CHCHD6: variants seen among roughly 807,000 people sequenced by gnomAD.
CHCHD6 encodes coiled-coil-helix-coiled-coil-helix domain containing 6, also known as MICOS complex subunit MIC25.
Under a neutral mutation model 32.3 loss-of-function variants are expected in CHCHD6, and 28 were observed. That is an observed-to-expected ratio of 0.87 (90% confidence interval 0.64 to 1.19). The LOEUF is 1.19. Among genes scored for constraint, CHCHD6 ranks in the 50% most tolerant of loss-of-function variants. CHCHD6 has a pLI of 0.00. For synonymous variants in CHCHD6, 122 were observed against 117.5 expected (o/e 1.04, Z -0.25); for missense variants, 333 against 307.0 (o/e 1.08, Z -0.63).
At chr3:126,761,281 G>A (rs1937153143) in intron 4 of CHCHD6, among the ~76,000 whole-genome samples, 1 of 152,138 alleles carries the variant, frequency 6.6e-6, no homozygotes, top group Non-Finnish European at 1.5e-5. Context: ...GGAGATGAGA[G>A]GTCCAGCTTC....
chr3:126,957,922 C>T (rs2078810061), intron 7 of CHCHD6: 2 of 366,342 alleles, frequency 5.5e-6, no homozygotes, highest in Non-Finnish European at 1.1e-5. Context: ...GGCCCGAGTG[C>T]AGAGTGGGGG....
Position 126,834,076 on chromosome 3 carries a change from A to AAT in CHCHD6, c.412-18570_412-18569insTA, listed in dbSNP as rs1559871379. On this transcript the variant is annotated intron_variant, in intron 4 of 7. Transcript: ENST00000290913. Reference sequence around the variant, plus strand: ...CTCAAAAAAAAAAAAAAAAAAAAAAAAAGAATTACCAATAACGTTACTTAA... The same window carrying AAT: ...CTCAAAAAAAAAAAAAAAAAAAAAAAATAAGAATTACCAATAACGTTACTTAA... Among the ~76,000 whole-genome samples, 30 of 151,550 alleles carry AAT rather than the reference A, an allele frequency of 2.0e-4. No homozygotes were observed. In the East Asian group the frequency reaches 4.8e-3, roughly 24 times the overall value.
chr3:126,862,544 C>T (rs1352804217), intron 5 of CHCHD6, among the ~76,000 whole-genome samples: 1 of 136,284 alleles, frequency 7.3e-6, no homozygotes, highest in Non-Finnish European at 1.6e-5. Context: ...TCCACCATCA[C>T]CACCTCCTCC....
At chr3:126,778,214 AT>A (rs1344870077) in intron 4 of CHCHD6, among the ~76,000 whole-genome samples, 1 of 152,178 alleles carries the variant, frequency 6.6e-6, no homozygotes, top group African/African-American at 2.4e-5. Context: ...GCTACTATGA[AT>A]AGTGCTGCTG....
At chr3:126,714,160 G>A (rs899903647) in intron 1 of CHCHD6, among the ~76,000 whole-genome samples, 1 of 150,278 alleles carries the variant, frequency 6.7e-6, no homozygotes, top group Non-Finnish European at 1.5e-5. Context: ...CAAATGGAAA[G>A]TCTGCCATTC....
chr3:126,706,890 T>G (rs1235809288), intron 1 of CHCHD6, among the ~76,000 whole-genome samples: 3 of 152,156 alleles, frequency 2.0e-5, no homozygotes, highest in Admixed American at 6.5e-5. Context: ...CCAGCTTCTT[T>G]AGAGCAAGTT....
At chr3:126,831,148 C>T (rs1188472372) in intron 4 of CHCHD6, among the ~76,000 whole-genome samples, 4 of 152,122 alleles carry the variant, frequency 2.6e-5, no homozygotes, top group Non-Finnish European at 1.5e-5. Flanking sequence ...CTCAGCCTCC[C>T]GTGTAGCTGG....
intron 6 of CHCHD6, among the ~76,000 whole-genome samples, chr3:126,919,339 A>G (rs905914989): frequency 5.2e-5 from 7 of 135,716 alleles, no homozygotes; most frequent in African/African-American, 1.9e-4. Context: ...TTTTTGAGAC[A>G]AGGTCTCACT....
At chr3:126,721,286 C>A (rs138188286) in intron 1 of CHCHD6, among the ~76,000 whole-genome samples, 2 of 152,326 alleles carry the variant, frequency 1.3e-5, no homozygotes, top group Non-Finnish European at 2.9e-5. Flanking sequence ...TTCCACCCCA[C>A]GCCTTCCAAA....
intron 4 of CHCHD6, chr3:126,766,555 T>A: frequency 9.0e-7 from 1 of 1,109,420 alleles, no homozygotes; most frequent in Non-Finnish European, 1.4e-6. Flanking sequence ...GAAAATGCCA[T>A]CCAGAGTCTT....
intron 4 of CHCHD6, among the ~76,000 whole-genome samples, chr3:126,747,976 C>T (rs1936572101): frequency 6.6e-6 from 1 of 152,168 alleles, no homozygotes; most frequent in Admixed American, 6.5e-5. Flanking sequence ...GCAGCACCCT[C>T]CTGTGCCCTC....
At chr3:126,852,849 G>A in intron 5 of CHCHD6, 119 bp downstream of exon 5, 1 of 676,622 alleles carries the variant, frequency 1.5e-6, no homozygotes, top group Non-Finnish European at 2.7e-6. Flanking sequence ...TCGCCCAGAT[G>A]CCAGTCACTC....
At chr3:126,712,981 T>C (rs885095) in intron 1 of CHCHD6, among the ~76,000 whole-genome samples, 1 of 152,190 alleles carries the variant, frequency 6.6e-6, no homozygotes, top group Admixed American at 6.5e-5. Flanking sequence ...CACGTTCCTC[T>C]CTTTCTCTAT....
chr3:126,833,124 T>C (rs752271949), intron 4 of CHCHD6, among the ~76,000 whole-genome samples: 4 of 152,244 alleles, frequency 2.6e-5, no homozygotes, highest in Non-Finnish European at 5.9e-5. Flanking sequence ...TGCATGCACA[T>C]GCACACACAC....
intron 5 of CHCHD6, among the ~76,000 whole-genome samples, chr3:126,890,595 G>A (rs1167338678): frequency 1.3e-5 from 2 of 152,292 alleles, no homozygotes; most frequent in Non-Finnish European, 2.9e-5. Flanking sequence ...AGCAGCACCT[G>A]CATTTCTGTA....
chr3:126,873,057 G>A (rs1278623413), intron 5 of CHCHD6, among the ~76,000 whole-genome samples: 1 of 152,188 alleles, frequency 6.6e-6, no homozygotes, highest in Non-Finnish European at 1.5e-5. Flanking sequence ...AACACGGCTG[G>A]TCGTAAATAT....
At chr3:126,907,983 G>A (rs1461746258) in intron 5 of CHCHD6, among the ~76,000 whole-genome samples, 1 of 152,140 alleles carries the variant, frequency 6.6e-6, no homozygotes, top group Non-Finnish European at 1.5e-5. Context: ...CCCAGAGTAG[G>A]ACCCGTTGCC....
At chr3:126,723,182 T>C (rs966969537) in intron 1 of CHCHD6, among the ~76,000 whole-genome samples, 1 of 152,208 alleles carries the variant, frequency 6.6e-6, no homozygotes, top group African/African-American at 2.4e-5. Flanking sequence ...TTGTCATATG[T>C]CATTAACTAG....
chr3:126,724,530 C>G (rs1935448264), intron 1 of CHCHD6, among the ~76,000 whole-genome samples: 1 of 152,146 alleles, frequency 6.6e-6, no homozygotes, highest in Admixed American at 6.5e-5. Context: ...GTCTTGCCTC[C>G]TTGTTGATGG....
Sources: gnomAD v4.1 joint callset for allele counts (sites outside exome capture counted in the v4.1 genomes callset) on GRCh38, gnomAD v4.1.1 for gene constraint, MANE v1.5 for transcripts, NCBI Gene and HGNC (gene_info 2026-07-23, HGNC 2026-07-21) for gene names.